Variants in C2orf42 observed in about 807,000 individuals in gnomAD.
C2orf42 encodes the protein chromosome 2 open reading frame 42, also known as uncharacterized protein C2orf42.
In C2orf42, 44 loss-of-function variants were observed where a neutral mutation model predicts 58.9. That is an observed-to-expected ratio of 0.75 (90% CI 0.59 to 0.96). The LOEUF (loss-of-function observed/expected upper bound fraction) is 0.96, where lower values mean the gene tolerates loss of function less well. C2orf42 is among the 40% of genes least tolerant of loss of function. The probability of loss-of-function intolerance (pLI) is 0.00; values close to 1 mark genes in which losing one functional copy is unlikely to be tolerated. For synonymous variants in C2orf42, 239 were observed against 265.4 expected (o/e 0.90, Z 0.97); for missense variants, 630 against 699.2 (o/e 0.90, Z 1.12).
In C2orf42 at chr2:70,160,745, C is replaced by T. The variant is rs1673005871; in HGVS notation, c.1396G>A (p.Gly466Arg). Reference sequence around the variant, plus strand: ...GGGCATTTAAATAGCTCATAAGTCCCATCTCGGTTCTGGATAAAGCTACGG... The same window carrying T: ...GGGCATTTAAATAGCTCATAAGTCCTATCTCGGTTCTGGATAAAGCTACGG... The part of the protein sequence containing the change: ...ITRSFIQNRD[G>R]TYELFKCPKV... The change falls in exon 9 of 10, where the codon GGG becomes AGG. Residue 466 changes from glycine (G) to arginine (R), a missense_variant. Gly to Arg is a moderately radical substitution (Grantham distance 125). Transcript: ENST00000264434. 1 of 1,610,488 alleles carries T rather than the reference C, an allele frequency of 6.2e-7. No homozygotes were observed. The highest frequency in any genetic ancestry group is 1.7e-5 in the Admixed American group (1 of 59,368).
At chr2:70,163,163 C>T (rs568253586) in intron 8 of C2orf42, among the ~76,000 whole-genome samples, 9 of 151,952 alleles carry the variant, frequency 5.9e-5, no homozygotes, top group East Asian at 5.8e-4. Flanking sequence ...CCACCGTGCG[C>T]GGCCTGAATT....
chr2:70,154,414 TAAAAAAAAAAA>T (rs36028499), intron 9 of C2orf42, among the ~76,000 whole-genome samples: 4 of 25,566 alleles, frequency 1.6e-4, no homozygotes, highest in South Asian at 1.8e-3. Flanking sequence ...AAATTTTTAC[TAAAAAAAAAAA>T]AAAAAAAAAA....
At position 70,181,826 on chromosome 2, in the gene C2orf42, C is replaced by T. The variant is rs1375679803; in HGVS notation, c.160G>A (p.Gly54Ser). 3 of 1,614,118 alleles carry T rather than the reference C, an allele frequency of 1.9e-6. No homozygotes were observed. The highest frequency in any genetic ancestry group is 2.2e-5 in the East Asian group (1 of 44,878). Residue 54 changes from glycine to serine, a missense_variant, in exon 3 of 10, where the codon GGT becomes AGT. Coordinates refer to ENST00000264434, the MANE Select transcript of C2orf42 (RefSeq NM_017880.3). ...NKTCGTIFRY[G>S]ARKQPSVEAV... ...TCAACACTAGGCTGCTTGCGTGCAC[C>T]GTAGCGGAATATGGTTCCACATGTC... is the stretch of plus-strand genomic sequence containing the variant.
At chr2:70,157,404 G>A (rs1266526827) in intron 9 of C2orf42, among the ~76,000 whole-genome samples, 1 of 151,990 alleles carries the variant, frequency 6.6e-6, no homozygotes, top group Non-Finnish European at 1.5e-5. Context: ...GCAGTGAGCC[G>A]AGATCGCACC....
chr2:70,179,644 T>TA lies in C2orf42; in HGVS notation c.824-3dup, dbSNP rs748618504. 1.3e-4 allele frequency: 160 copies of TA among 1,235,714 alleles called. No individual in the cohort carries two copies. The highest frequency in any genetic ancestry group is 2.6e-4 in the South Asian group (21 of 80,856). The allele number at this position is 1,235,714 out of a possible 1,614,324, so 76.5% of individuals were successfully genotyped here. ...GGGGTACAATAATCTCTTTAAGACC[T>TA]AAAAAAAAGAAGATTTCTGAATTAT... On this transcript the variant is annotated splice_region_variant and splice_polypyrimidine_tract_variant and intron_variant, in intron 3 of 9. Coordinates refer to ENST00000264434, the MANE Select transcript of C2orf42 (RefSeq NM_017880.3).
chr2:70,167,694 T>C (rs1427071084), intron 6 of C2orf42, among the ~76,000 whole-genome samples: 2 of 151,974 alleles, frequency 1.3e-5, no homozygotes, highest in Non-Finnish European at 2.9e-5. Flanking sequence ...TGAACTGAGA[T>C]TGTACCACTG....
At chr2:70,169,150 A>G (rs1673618306) in intron 6 of C2orf42, among the ~76,000 whole-genome samples, 2 of 151,716 alleles carry the variant, frequency 1.3e-5, no homozygotes, top group African/African-American at 4.8e-5. Context: ...GATGGGGTTC[A>G]CTATGTTGTG....
intron 1 of C2orf42, among the ~76,000 whole-genome samples, chr2:70,189,943 G>GA (rs535557067): frequency 8.3e-4 from 115 of 137,750 alleles, no homozygotes; most frequent in East Asian, 3.0e-3. Flanking sequence ...TCTTTTAAAA[G>GA]AAAAAAAAAA....
intron 1 of C2orf42, among the ~76,000 whole-genome samples, chr2:70,189,182 G>A (rs369389581): frequency 5.2e-4 from 76 of 146,850 alleles, no homozygotes; most frequent in African/African-American, 1.7e-3. Flanking sequence ...CGAGGCAGGC[G>A]GATCACCTGA....
rs200173865 is a variant in C2orf42, at chr2:70,174,094, G to T, written c.1039+1579C>A. Among the ~76,000 whole-genome samples, 3 of 152,018 alleles carry T rather than the reference G, an allele frequency of 2.0e-5. No homozygotes were observed. The East Asian group carries it at 5.8e-4, about 29-fold the overall frequency. On this transcript the variant is annotated intron_variant, in intron 5 of 9. Transcript: ENST00000264434. ...AGGCTGAGGTGAGCAGATCACTTGG[G>T]GTCAGGAGTTTGAGACCAGCCTGGA...
At chr2:70,179,150 G>C (rs561237830) in intron 4 of C2orf42, among the ~76,000 whole-genome samples, 1 of 152,220 alleles carries the variant, frequency 6.6e-6, no homozygotes, top group African/African-American at 2.4e-5. Flanking sequence ...AACATATACA[G>C]TAAAAGTAGA....
chr2:70,175,591 C>A, intron 5 of C2orf42, 82 bp downstream of exon 5: 1 of 834,840 alleles, frequency 1.2e-6, no homozygotes, highest in South Asian at 1.3e-5. Flanking sequence ...CTTTGGGTGA[C>A]AATGTGCATG....
chr2:70,175,796 C>T lies in C2orf42; in HGVS notation c.935-19G>A, dbSNP rs753395995. ...TGTGCACCTAAACCACAAATCATTA[C>T]AGGTTTAACAATGTATCTGCTAAAT... On this transcript the variant is annotated intron_variant, in intron 4 of 9. Transcript: ENST00000264434. 21 of 1,373,004 alleles carry T rather than the reference C, an allele frequency of 1.5e-5. No homozygotes were observed. The highest frequency in any genetic ancestry group is 2.0e-5 in the Non-Finnish European group (19 of 960,734). 85.1% of individuals were successfully genotyped at this position (1,373,004 alleles called of 1,614,324 possible). A position where few individuals can be genotyped will look rare whatever the true frequency, so the allele number is the denominator to read the frequency against.
chr2:70,167,956 G>A (rs1336876568), intron 6 of C2orf42, among the ~76,000 whole-genome samples: 1 of 151,842 alleles, frequency 6.6e-6, no homozygotes, highest in African/African-American at 2.4e-5. Flanking sequence ...TTCTGGGCTG[G>A]GCACGGTGGT....
At chr2:70,169,377 C>T (rs1469313670) in intron 6 of C2orf42, among the ~76,000 whole-genome samples, 180 bp downstream of exon 6, 1 of 151,986 alleles carries the variant, frequency 6.6e-6, no homozygotes, top group East Asian at 1.9e-4. Flanking sequence ...AATAATTTTG[C>T]TGCGCCTGAA....
intron 1 of C2orf42, chr2:70,190,180 A>G (rs1237065881): frequency 1.3e-5 from 2 of 152,264 alleles, no homozygotes; most frequent in African/African-American, 4.8e-5. Context: ...CGTGGATTTG[A>G]AACCTGAAAG....
intron 9 of C2orf42, among the ~76,000 whole-genome samples, chr2:70,151,924 GCAC>G (rs1159650914): frequency 6.6e-6 from 1 of 151,780 alleles, no homozygotes; most frequent in Non-Finnish European, 1.5e-5. Flanking sequence ...CTACAGGCAC[GCAC>G]CACCATGTCC....
At position 70,160,807 on chromosome 2, in the gene C2orf42, CA is replaced by C. The variant is rs770059802; in HGVS notation, c.1354-21del. 2.3e-5 allele frequency: 35 copies of C among 1,525,290 alleles called. No homozygotes were observed. Among genetic ancestry groups the C allele is most frequent in the Middle Eastern group, 1.8e-4 (1 of 5,502 alleles). 94.5% of individuals were successfully genotyped at this position (1,525,290 alleles called of 1,614,324 possible). A position where few individuals can be genotyped will look rare whatever the true frequency, so the allele number is the denominator to read the frequency against. On this transcript the variant is annotated intron_variant, in intron 8 of 9. Coordinates refer to ENST00000264434, the MANE Select transcript of C2orf42 (RefSeq NM_017880.3). ...GGGCATCTGGACACCAAGACAATAC[CA>C]AAAAAAGGTGAGAGAGAAAACTTTC...
chr2:70,154,840 C>T (rs983111586), intron 9 of C2orf42, among the ~76,000 whole-genome samples: 1 of 152,084 alleles, frequency 6.6e-6, no homozygotes, highest in East Asian at 1.9e-4. Context: ...ACTGCAGCCT[C>T]GACCTCCAGG....
Sources: gnomAD v4.1 joint callset for allele counts (sites outside exome capture counted in the v4.1 genomes callset) on GRCh38, gnomAD v4.1.1 for gene constraint, MANE v1.5 for transcripts, NCBI Gene and HGNC (gene_info 2026-07-23, HGNC 2026-07-21) for gene names.